Variants in CNTNAP2 observed in about 807,000 individuals in gnomAD.
The protein encoded by CNTNAP2 is contactin associated protein 2.
In CNTNAP2, 98 loss-of-function variants were observed where a neutral mutation model predicts 155.2. The observed-to-expected ratio is 0.63, with a 90% CI of 0.54 to 0.75. The LOEUF is 0.75. Ranked by LOEUF, CNTNAP2 falls within the 30% of genes least tolerant of loss-of-function variation. The pLI is 0.00. For missense variants in CNTNAP2, 1,727 were observed against 1,688.1 expected, an observed-to-expected ratio of 1.02 and a Z score of -0.40; for synonymous variants, 651 against 631.2, an observed-to-expected ratio of 1.03 and a Z score of -0.47.
chr7:147,037,989 G>C (rs1379710268), intron 3 of CNTNAP2, among the ~76,000 whole-genome samples: 1 of 151,990 alleles, frequency 6.6e-6, no homozygotes, highest in Non-Finnish European at 1.5e-5. Flanking sequence ...CAATATGCTT[G>C]GATGAAAGAA....
chr7:148,177,535 T>C (rs1383492722), intron 18 of CNTNAP2, among the ~76,000 whole-genome samples: 1 of 152,226 alleles, frequency 6.6e-6, no homozygotes, highest in African/African-American at 2.4e-5. Flanking sequence ...ACCTACCATC[T>C]TCTTAATTCT....
chr7:147,664,251 A>G (rs1020321172), intron 13 of CNTNAP2, among the ~76,000 whole-genome samples: 3 of 152,178 alleles, frequency 2.0e-5, no homozygotes, highest in African/African-American at 7.2e-5. Context: ...TAAATTGTTC[A>G]TCTCGCCCCT....
chr7:146,848,133 C>T (rs1310765229), intron 3 of CNTNAP2, among the ~76,000 whole-genome samples: 1 of 152,126 alleles, frequency 6.6e-6, no homozygotes, highest in Non-Finnish European at 1.5e-5. Flanking sequence ...TGTAGAATCT[C>T]AGAGGCTTAA....
chr7:146,123,452 A>G (rs1797591469), intron 1 of CNTNAP2, among the ~76,000 whole-genome samples: 1 of 152,160 alleles, frequency 6.6e-6, no homozygotes, highest in Non-Finnish European at 1.5e-5. Context: ...ATGGCAGGCA[A>G]TAGAGGTGTG....
intron 2 of CNTNAP2, among the ~76,000 whole-genome samples, chr7:146,776,952 G>T (rs1390522399): frequency 1.3e-5 from 2 of 152,084 alleles, no homozygotes; most frequent in African/African-American, 4.8e-5. Context: ...TTTGTCTGTA[G>T]TTTGTAGAAT....
intron 1 of CNTNAP2, among the ~76,000 whole-genome samples, chr7:146,585,180 G>T (rs1222371132): frequency 2.0e-5 from 3 of 152,096 alleles, no homozygotes; most frequent in African/African-American, 4.8e-5. Context: ...GGAGTGCAGT[G>T]GCACGATCTC....
intron 4 of CNTNAP2, among the ~76,000 whole-genome samples, chr7:147,048,101 G>T (rs1041363801): frequency 7.1e-5 from 9 of 126,908 alleles, no homozygotes; most frequent in African/African-American, 9.4e-5. Flanking sequence ...TTGAGATGGA[G>T]TCTCGCTCTG....
chr7:147,991,464 C>G (rs1801709294), intron 15 of CNTNAP2, among the ~76,000 whole-genome samples: 1 of 152,150 alleles, frequency 6.6e-6, no homozygotes, highest in Non-Finnish European at 1.5e-5. Flanking sequence ...TTTATATGCA[C>G]AACTATTTTT....
intron 1 of CNTNAP2, among the ~76,000 whole-genome samples, chr7:146,421,151 TGTTACA>T (rs1796006657): frequency 6.6e-6 from 1 of 152,092 alleles, no homozygotes; most frequent in African/African-American, 2.4e-5. Flanking sequence ...ATTTGTCATC[TGTTACA>T]TCTCCTCTTA....
At chr7:147,189,784 G>A (rs1323575571) in intron 8 of CNTNAP2, among the ~76,000 whole-genome samples, 4 of 151,936 alleles carry the variant, frequency 2.6e-5, no homozygotes, top group East Asian at 3.9e-4. Flanking sequence ...TCACTCTGTC[G>A]CCCAGGCTGG....
At chr7:147,594,869 TAGAA>T (rs1487490966) in intron 12 of CNTNAP2, among the ~76,000 whole-genome samples, 5 of 151,620 alleles carry the variant, frequency 3.3e-5, no homozygotes, top group Non-Finnish European at 5.9e-5. Flanking sequence ...ACATCTTAAA[TAGAA>T]AGGCCTTTCT....
chr7:148,167,844 C>T (rs572941802), intron 17 of CNTNAP2, among the ~76,000 whole-genome samples: 1 of 152,140 alleles, frequency 6.6e-6, no homozygotes, highest in Admixed American at 6.5e-5. Context: ...AGTCCAAAGA[C>T]CCAAGAATCA....
intron 14 of CNTNAP2, among the ~76,000 whole-genome samples, chr7:147,926,514 GA>G (rs1441154302): frequency 2.0e-5 from 3 of 152,096 alleles, no homozygotes; most frequent in Admixed American, 2.0e-4. Context: ...AAAATTCAAA[GA>G]AAATTAAAGT....
intron 17 of CNTNAP2, among the ~76,000 whole-genome samples, chr7:148,166,499 T>A (rs1222517844): frequency 2.0e-5 from 3 of 150,298 alleles, no homozygotes; most frequent in Non-Finnish European, 4.4e-5. Flanking sequence ...TTTTTTTTTT[T>A]ATAATTCCTC....
intron 1 of CNTNAP2, among the ~76,000 whole-genome samples, chr7:146,763,843 G>A (rs1802147953): frequency 6.6e-6 from 1 of 152,090 alleles, no homozygotes; most frequent in Non-Finnish European, 1.5e-5. Context: ...AATTGATTAA[G>A]GATTTTTCTA....
intron 1 of CNTNAP2, among the ~76,000 whole-genome samples, chr7:146,496,518 C>T (rs191002585): frequency 6.6e-6 from 1 of 152,198 alleles, no homozygotes; most frequent in African/African-American, 2.4e-5. Flanking sequence ...TAAAATAGCA[C>T]AAATTAATTC....
chr7:148,176,489 G>C (rs1412474283), intron 18 of CNTNAP2, among the ~76,000 whole-genome samples: 4 of 152,062 alleles, frequency 2.6e-5, no homozygotes, highest in African/African-American at 9.7e-5. Context: ...AAAGTGCTGG[G>C]ATTACAGGCA....
chr7:147,852,663 A>G (rs1213117629), intron 13 of CNTNAP2, among the ~76,000 whole-genome samples: 2 of 152,204 alleles, frequency 1.3e-5, no homozygotes, highest in Non-Finnish European at 2.9e-5. Flanking sequence ...TCAAATCTGT[A>G]CCAGGTAATT....
chr7:146,847,157 C>A (rs1202629770), intron 3 of CNTNAP2, among the ~76,000 whole-genome samples: 1 of 152,052 alleles, frequency 6.6e-6, no homozygotes, highest in Non-Finnish European at 1.5e-5. Flanking sequence ...TGGGTACCTA[C>A]AAATAATTTG....
Sources: gnomAD v4.1 joint callset for allele counts (sites outside exome capture counted in the v4.1 genomes callset) on GRCh38, gnomAD v4.1.1 for gene constraint, MANE v1.5 for transcripts, NCBI Gene and HGNC (gene_info 2026-07-23, HGNC 2026-07-21) for gene names.